The following CNTN6 variants were observed in gnomAD, a reference collection of about 807,000 sequenced individuals.
CNTN6 encodes contactin-6.
In CNTN6, 137 loss-of-function variants were observed where a neutral mutation model predicts 122.8. The observed-to-expected ratio is 1.12, with a 90% CI of 0.97 to 1.29. The LOEUF (loss-of-function observed/expected upper bound fraction) is 1.29, where lower values mean the gene tolerates loss of function less well. Among genes scored for constraint, CNTN6 ranks in the 50% most tolerant of loss-of-function variants. The pLI is 0.00. For missense variants in CNTN6, 1,634 were observed against 1,223.4 expected (o/e 1.34, Z -5.01); for synonymous variants, 570 against 426.0 (o/e 1.34, Z -4.16).
intron 17 of CNTN6, among the ~76,000 whole-genome samples, chr3:1,382,507 C>T (rs111487561): frequency 0.012 from 1,875 of 152,140 alleles, 40 homozygotes; most frequent in African/African-American, 0.043. Flanking sequence ...CACAGTAATT[C>T]CATTACACAT....
chr3:1,285,978 C>G (rs1380414995), intron 5 of CNTN6, among the ~76,000 whole-genome samples: 1 of 152,166 alleles, frequency 6.6e-6, no homozygotes, highest in African/African-American at 2.4e-5. Context: ...AGTCAGCTCT[C>G]TAGAAAGTTT....
At chr3:1,381,477 G>A (rs1187715567) in intron 17 of CNTN6, among the ~76,000 whole-genome samples, 3 of 152,118 alleles carry the variant, frequency 2.0e-5, no homozygotes, top group African/African-American at 7.2e-5. Context: ...GAAGTAATGA[G>A]GACAGGAAAA....
intron 1 of CNTN6, among the ~76,000 whole-genome samples, chr3:1,093,827 C>T (rs1482947843): frequency 2.0e-5 from 3 of 152,132 alleles, no homozygotes; most frequent in Non-Finnish European, 4.4e-5. Flanking sequence ...CTTTTAAGAG[C>T]TCTGAGATTA....
At chr3:1,396,495 T>C (rs1413995241) in intron 20 of CNTN6, among the ~76,000 whole-genome samples, 1 of 152,204 alleles carries the variant, frequency 6.6e-6, no homozygotes, top group Non-Finnish European at 1.5e-5. Context: ...AATTATTTGA[T>C]AACTCTGAAT....
intron 10 of CNTN6, among the ~76,000 whole-genome samples, chr3:1,328,507 T>C (rs1701843434): frequency 6.6e-6 from 1 of 151,840 alleles, no homozygotes; most frequent in African/African-American, 2.4e-5. Flanking sequence ...TATTATGTAC[T>C]GAGCTGTATC....
intron 4 of CNTN6, among the ~76,000 whole-genome samples, chr3:1,235,600 C>T (rs2094410785): frequency 6.6e-6 from 1 of 152,144 alleles, no homozygotes; most frequent in African/African-American, 2.4e-5. Flanking sequence ...AGCAGCAAGA[C>T]TAGCTTGCAG....
intron 20 of CNTN6, among the ~76,000 whole-genome samples, chr3:1,388,016 G>C (rs1031331436): frequency 5.3e-5 from 8 of 152,164 alleles, no homozygotes; most frequent in Non-Finnish European, 1.0e-4. Flanking sequence ...GGCTTGATTA[G>C]GTAAACAAAG....
At chr3:1,277,944 G>T (rs1183008079) in intron 4 of CNTN6, among the ~76,000 whole-genome samples, 3 of 151,996 alleles carry the variant, frequency 2.0e-5, no homozygotes, top group Non-Finnish European at 4.4e-5. Context: ...TACACTTTTT[G>T]TCTCATTGGT....
At chr3:1,301,091 C>CA (rs1401031385) in intron 7 of CNTN6, among the ~76,000 whole-genome samples, 2 of 135,880 alleles carry the variant, frequency 1.5e-5, no homozygotes, top group Non-Finnish European at 3.0e-5. Context: ...GGCTGGAGTG[C>CA]AATGGCACGA....
rs66929153 is a variant in CNTN6, at chr3:1,384,772, CATATATAT to C, written c.2518-821_2518-814del. 2.0e-3 allele frequency among the ~76,000 whole-genome samples: 236 copies of C among 120,912 alleles called. 2 individuals are homozygous for C. The highest frequency in any genetic ancestry group is 4.7e-3 in the African/African-American group (143 of 30,310). The allele number at this position is 120,912 out of a possible 152,430, so 79.3% of individuals were successfully genotyped here. On this transcript the variant is annotated intron_variant, in intron 19 of 22. Transcript: ENST00000446702. Reference sequence around the variant, plus strand: ...ACACATATATATACATATATATACACATATATATATATATATATATATATACACACACA... The same window carrying C: ...ACACATATATATACATATATATACACATATATATATATATATACACACACA...
intron 12 of CNTN6, among the ~76,000 whole-genome samples, chr3:1,354,944 G>A (rs189257484): frequency 5.6e-4 from 85 of 151,482 alleles, no homozygotes; most frequent in Non-Finnish European, 1.1e-3. Flanking sequence ...AACCTACATC[G>A]AAATCCAAAA....
Position 1,327,786 on chromosome 3 carries a change from A to T in CNTN6, c.1213+200A>T, listed in dbSNP as rs1701747607. ...GGCAATGCACTGGGGCTTCAGAAAA[A>T]AACCCACCATTGGGTGCATCCAAAC... On this transcript the variant is annotated intron_variant, in intron 10 of 22. Transcript: ENST00000446702. Among the ~76,000 whole-genome samples the T allele has an allele frequency of 2.0e-5, 3 of 151,952 alleles. 1 individual carries two copies. The highest frequency in any genetic ancestry group is 4.1e-4 in the South Asian group (2 of 4,820).
chr3:1,185,675 T>C (rs958528032), intron 2 of CNTN6, among the ~76,000 whole-genome samples: 1 of 152,200 alleles, frequency 6.6e-6, no homozygotes, highest in Admixed American at 6.5e-5. Flanking sequence ...AAAAGCTACA[T>C]GTAGCATAGT....
rs1216906245 is a variant in CNTN6 at position 1,327,438 on chromosome 3, A to G, written c.1084-19A>G. ...TATATTAACGTACAAGCATCTTTATATGCCTTTTCCTTTATTAGGAGAGAA... is the reference window on the plus strand; with the variant it reads ...TATATTAACGTACAAGCATCTTTATGTGCCTTTTCCTTTATTAGGAGAGAA... On this transcript the variant is annotated intron_variant, in intron 9 of 22. Transcript: ENST00000446702. 1 of 1,607,272 alleles carries G rather than the reference A, an allele frequency of 6.2e-7. No homozygotes were observed. Among genetic ancestry groups the G allele is most frequent in the Non-Finnish European group, 8.5e-7 (1 of 1,175,760 alleles).
At chr3:1,299,875 T>C (rs185742972) in intron 7 of CNTN6, among the ~76,000 whole-genome samples, 8 of 152,336 alleles carry the variant, frequency 5.3e-5, no homozygotes, top group Admixed American at 3.9e-4. Context: ...CCTTGTATGT[T>C]TGTTGTGAAG....
intron 16 of CNTN6, among the ~76,000 whole-genome samples, chr3:1,376,122 G>T (rs999671152): frequency 6.6e-6 from 1 of 152,012 alleles, no homozygotes; most frequent in African/African-American, 2.4e-5. Context: ...CTGATTTAGC[G>T]ATTATCACAG....
At chr3:1,141,280 ATT>A (rs1484805818) in intron 1 of CNTN6, among the ~76,000 whole-genome samples, 1 of 152,202 alleles carries the variant, frequency 6.6e-6, no homozygotes, top group East Asian at 1.9e-4. Flanking sequence ...TGCTGCACAC[ATT>A]TGTTCTGATG....
chr3:1,125,262 GATTCAGT>G (rs1354144031), intron 1 of CNTN6, among the ~76,000 whole-genome samples: 1 of 151,842 alleles, frequency 6.6e-6, no homozygotes, highest in Admixed American at 6.6e-5. Context: ...TCAAATGTTT[GATTCAGT>G]ATCTGTGCAG....
At position 1,154,609 on chromosome 3, in the gene CNTN6, A is replaced by G. The variant is rs376226930; in HGVS notation, c.55+6546A>G. Among the ~76,000 whole-genome samples, 20 of 151,884 alleles carry G rather than the reference A, an allele frequency of 1.3e-4. No individual in the cohort carries two copies. The East Asian group carries it at 3.5e-3, about 27-fold the overall frequency. On this transcript the variant is annotated intron_variant, in intron 2 of 22. Coordinates refer to ENST00000446702, the MANE Select transcript of CNTN6 (RefSeq NM_001289080.2). ...CGGGCATGCACCACCACACCTGGCT[A>G]ACTTTGTATTTTTAGTAGAGACGGG...
Sources: allele counts gnomAD v4.1 joint callset (sites outside exome capture counted in the v4.1 genomes callset), GRCh38; gene constraint gnomAD v4.1.1; transcripts MANE v1.5; gene names NCBI Gene and HGNC (gene_info 2026-07-23, HGNC 2026-07-21).